PPM1E: variants seen among roughly 807,000 people sequenced by gnomAD.
PPM1E encodes the protein protein phosphatase 1E.
Under a neutral mutation model 65.9 loss-of-function variants are expected in PPM1E, and 20 were observed. The observed-to-expected ratio is 0.30, with a 90% confidence interval of 0.21 to 0.44. The LOEUF is 0.44. PPM1E is among the 20% of genes least tolerant of loss of function. PPM1E has a pLI of 1.00. For synonymous variants in PPM1E, 352 were observed against 374.9 expected (o/e 0.94, Z 0.70); for missense variants, 713 against 953.1 (o/e 0.75, Z 3.32).
At chr17:58,836,691 C>T (rs1458095830) in intron 1 of PPM1E, among the ~76,000 whole-genome samples, 1 of 150,700 alleles carries the variant, frequency 6.6e-6, no homozygotes, top group Non-Finnish European at 1.5e-5. Flanking sequence ...TCTCGAGCTC[C>T]TGACCTTGTG....
At chr17:58,917,162 A>G (rs1185686989) in intron 1 of PPM1E, among the ~76,000 whole-genome samples, 1 of 151,774 alleles carries the variant, frequency 6.6e-6, no homozygotes, top group East Asian at 1.9e-4. Context: ...GTGAGCCGAG[A>G]TTGCACCACT....
chr17:58,768,196 C>A (rs773943123), intron 1 of PPM1E, among the ~76,000 whole-genome samples: 1 of 152,138 alleles, frequency 6.6e-6, no homozygotes, highest in Non-Finnish European at 1.5e-5. Flanking sequence ...AAGTGATCTG[C>A]CCGCCTCAGC....
intron 1 of PPM1E, among the ~76,000 whole-genome samples, chr17:58,769,373 T>C (rs2049913915): frequency 6.6e-6 from 1 of 152,138 alleles, no homozygotes; most frequent in Non-Finnish European, 1.5e-5. Context: ...GGTGGGTGGA[T>C]GGCTTGAGCT....
intron 1 of PPM1E, among the ~76,000 whole-genome samples, chr17:58,903,222 A>T (rs1338702768): frequency 6.6e-6 from 1 of 152,082 alleles, no homozygotes; most frequent in East Asian, 1.9e-4. Flanking sequence ...GTCTCTCTTG[A>T]TTGTGAACCC....
chr17:58,854,712 T>G (rs1204051227), intron 1 of PPM1E, among the ~76,000 whole-genome samples: 1 of 152,200 alleles, frequency 6.6e-6, no homozygotes, highest in African/African-American at 2.4e-5. Context: ...TGTTTGATTT[T>G]TCATGTGTTG....
chr17:58,938,496 G>T (rs1567881226), intron 1 of PPM1E, among the ~76,000 whole-genome samples: 1 of 152,078 alleles, frequency 6.6e-6, no homozygotes, highest in Non-Finnish European at 1.5e-5. Context: ...ATATATATAT[G>T]TTTTTATCTT....
intron 1 of PPM1E, among the ~76,000 whole-genome samples, chr17:58,909,319 A>G (rs951463185): frequency 6.6e-6 from 1 of 152,090 alleles, no homozygotes; most frequent in South Asian, 2.1e-4. Flanking sequence ...ATGCAATGGC[A>G]TGATCATAGT....
chr17:58,930,714 A>G (rs1435806318), intron 1 of PPM1E, among the ~76,000 whole-genome samples: 2 of 152,136 alleles, frequency 1.3e-5, no homozygotes, highest in African/African-American at 4.8e-5. Flanking sequence ...AGGAGAATAC[A>G]CACTTCTGGA....
intron 1 of PPM1E, among the ~76,000 whole-genome samples, chr17:58,767,912 G>T (rs2144161982): frequency 6.6e-6 from 1 of 152,062 alleles, no homozygotes; most frequent in Non-Finnish European, 1.5e-5. Flanking sequence ...AAAGTGCTGG[G>T]ATTACAGGTG....
chr17:58,895,559 A>C (rs2051402258), intron 1 of PPM1E, among the ~76,000 whole-genome samples: 1 of 152,068 alleles, frequency 6.6e-6, no homozygotes, highest in Non-Finnish European at 1.5e-5. Context: ...GTAATTCCAA[A>C]ACTTTGGGAG....
intron 1 of PPM1E, among the ~76,000 whole-genome samples, chr17:58,843,102 G>T (rs937891783): frequency 1.3e-5 from 2 of 151,816 alleles, no homozygotes; most frequent in African/African-American, 2.4e-5. Context: ...CTGGCTACAT[G>T]GCGAAACCTT....
chr17:58,775,987 T>C (rs1443838236), intron 1 of PPM1E, among the ~76,000 whole-genome samples: 1 of 149,216 alleles, frequency 6.7e-6, no homozygotes, highest in African/African-American at 2.5e-5. Context: ...TAACCTCCCA[T>C]TTTTGGTGTT....
rs981494386 is a variant in PPM1E, at chr17:58,834,875, C to G, written c.464+78414C>G. ...CTTTTAGCTATTCTAGTTCCTTTGC[C>G]TTTCCATATAAATTTTAGAATCAGC... On this transcript the variant is annotated intron_variant, in intron 1 of 6. Transcript: ENST00000308249. Among the ~76,000 whole-genome samples, 3 of 151,822 alleles carry G rather than the reference C, an allele frequency of 2.0e-5. No individual in the cohort carries two copies. The East Asian group carries it at 5.8e-4, about 29-fold the overall frequency.
In PPM1E at chr17:58,756,108, C is replaced by T. The variant is rs779475307; in HGVS notation, c.111C>T (p.Pro37=). The change falls in exon 1 of 7, where the codon CCC becomes CCT. Residue 37 remains proline, a synonymous_variant. Coordinates refer to ENST00000308249, the MANE Select transcript of PPM1E (RefSeq NM_014906.5). ...GGGEPEPEPE[P]EPEPEPESEP... Reference sequence around the variant, plus strand: ...GCGAGCCGGAGCCGGAACCCGAACCCGAACCCGAACCCGAACCCGAGTCCG... The same window carrying T: ...GCGAGCCGGAGCCGGAACCCGAACCTGAACCCGAACCCGAACCCGAGTCCG... 1.9e-6 allele frequency: 3 copies of T among 1,603,940 alleles called. No homozygotes were observed. In the African/African-American group the frequency reaches 4.0e-5, roughly 21 times the overall value.
chr17:58,843,822 CCT>C (rs996340684), intron 1 of PPM1E, among the ~76,000 whole-genome samples: 2 of 152,126 alleles, frequency 1.3e-5, no homozygotes, highest in African/African-American at 4.8e-5. Context: ...AGAGCTAGAC[CCT>C]GTCTCAAAAC....
chr17:58,817,259 C>T (rs1042335379), intron 1 of PPM1E, among the ~76,000 whole-genome samples: 8 of 152,086 alleles, frequency 5.3e-5, no homozygotes, highest in African/African-American at 1.9e-4. Context: ...TGAGTCCCTG[C>T]TTACAGTTCT....
At position 58,756,048 on chromosome 17, in the gene PPM1E, A is replaced by C; in HGVS notation, c.51A>C (p.Leu17=). Residue 17 remains leucine, a synonymous_variant, in exon 1 of 7, where the codon CTA becomes CTC. Coordinates refer to ENST00000308249, the MANE Select transcript of PPM1E (RefSeq NM_014906.5). ...AAACTTACCGGCGCTTCCTGGAGCT[A>C]TTCCTGGGCGAGTTTCGCGGACCGT... ...EEKTYRRFLE[L]FLGEFRGPCG... 1 of 1,613,956 alleles carries C rather than the reference A, an allele frequency of 6.2e-7. No individual in the cohort carries two copies. The highest frequency in any genetic ancestry group is 8.5e-7 in the Non-Finnish European group (1 of 1,179,912).
intron 6 of PPM1E, among the ~76,000 whole-genome samples, chr17:58,979,414 G>C (rs1286570818): frequency 6.6e-6 from 1 of 152,188 alleles, no homozygotes; most frequent in Non-Finnish European, 1.5e-5. Flanking sequence ...AGTTAGACTT[G>C]ATTTATAAAA....
At chr17:58,807,063 A>G (rs775211748) in intron 1 of PPM1E, among the ~76,000 whole-genome samples, 1 of 152,074 alleles carries the variant, frequency 6.6e-6, no homozygotes, top group Admixed American at 6.6e-5. Flanking sequence ...ATTTTAGTAG[A>G]GGTCTTCAAA....
Sources: allele counts gnomAD v4.1 joint callset (sites outside exome capture counted in the v4.1 genomes callset), GRCh38; gene constraint gnomAD v4.1.1; transcripts MANE v1.5; gene names NCBI Gene and HGNC (gene_info 2026-07-23, HGNC 2026-07-21).